TERB2: variants seen among roughly 807,000 people sequenced by gnomAD.
TERB2 encodes the protein telomere repeat binding bouquet formation protein 2.
TERB2 carries 26 observed loss-of-function variants against 29.8 expected under a neutral mutation model. The observed-to-expected ratio is 0.87, with a 90% CI of 0.64 to 1.21. TERB2 has a LOEUF of 1.21. TERB2 is among the 50% of genes most tolerant of loss of function. The pLI is 0.00. For missense variants in TERB2, 240 were observed against 268.6 expected, an observed-to-expected ratio of 0.89 and a Z score of 0.74; for synonymous variants, 80 against 90.8, an observed-to-expected ratio of 0.88 and a Z score of 0.68.
At chr15:44,972,389 G>A (rs1891985096) in intron 5 of TERB2, among the ~76,000 whole-genome samples, 1 of 151,838 alleles carries the variant, frequency 6.6e-6, no homozygotes, top group Non-Finnish European at 1.5e-5. Flanking sequence ...TAATTATTGA[G>A]GTTTTTATTT....
chr15:44,966,725 T>A (rs1176350548), intron 5 of TERB2, among the ~76,000 whole-genome samples: 3 of 152,198 alleles, frequency 2.0e-5, no homozygotes, highest in African/African-American at 7.2e-5. Context: ...CACTACATAT[T>A]AGCAGTAATT....
intron 5 of TERB2, among the ~76,000 whole-genome samples, chr15:44,966,560 T>C (rs1208831366): frequency 1.3e-5 from 2 of 152,220 alleles, no homozygotes; most frequent in South Asian, 4.1e-4. Context: ...CACACTATAC[T>C]GTCTCTGCAG....
chr15:44,976,633 A>G (rs1892051092), intron 6 of TERB2, among the ~76,000 whole-genome samples: 1 of 152,208 alleles, frequency 6.6e-6, no homozygotes, highest in Non-Finnish European at 1.5e-5. Flanking sequence ...TGGACTGTGA[A>G]TATCAGGAGG....
chr15:44,974,901 C>T (rs981075672), intron 6 of TERB2, among the ~76,000 whole-genome samples: 2 of 151,928 alleles, frequency 1.3e-5, no homozygotes, highest in African/African-American at 4.8e-5. Context: ...TTTGGACTTA[C>T]CAAACATTTA....
At chr15:44,977,116 C>CACACACACACA (rs1566947510) in intron 6 of TERB2, among the ~76,000 whole-genome samples, 3 of 151,418 alleles carry the variant, frequency 2.0e-5, no homozygotes, top group South Asian at 2.1e-4. Context: ...CACACACACA[C>CACACACACACA]CCCAGAAAAA....
At chr15:44,958,978 A>C (rs1891763044) in intron 3 of TERB2, among the ~76,000 whole-genome samples, 1 of 152,232 alleles carries the variant, frequency 6.6e-6, no homozygotes, top group Non-Finnish European at 1.5e-5. Flanking sequence ...CAGGAGTTCA[A>C]GACTAGACTG....
At chr15:44,977,117 C>CACACACACACACACACA (rs1892058751) in intron 6 of TERB2, among the ~76,000 whole-genome samples, 6 of 124,192 alleles carry the variant, frequency 4.8e-5, no homozygotes, top group African/African-American at 2.0e-4. Context: ...ACACACACAC[C>CACACACACACACACACA]CCAGAAAAAA....
Position 44,978,580 on chromosome 15 carries a change from A to C in TERB2, c.615A>C (p.Gln205His). 6.2e-7 allele frequency: 1 copy of C among 1,608,872 alleles called. No homozygotes were observed. Among genetic ancestry groups the C allele is most frequent in the Non-Finnish European group, 8.5e-7 (1 of 1,177,626 alleles). The change falls in exon 7 of 7, where the codon CAA becomes CAC. Residue 205 changes from glutamine to histidine, a missense_variant. Gln to His is a conservative substitution (Grantham distance 24). Transcript: ENST00000340827. ...CAGGATATTTGGCATATCATGTTCA[A>C]AATGAAATTAATATGTCTGCTATAA... Reference protein sequence around the residue: ...GTSGYLAYHVQNEINMSAIKN... With the variant: ...GTSGYLAYHVHNEINMSAIKN...
rs1891763316 is a variant in TERB2, at chr15:44,959,015, T to C, written c.286+503T>C. Among the ~76,000 whole-genome samples, 3 of 152,212 alleles carry C rather than the reference T, an allele frequency of 2.0e-5. No individual in the cohort carries two copies. In the South Asian group the frequency reaches 6.2e-4, roughly 31 times the overall value. On this transcript the variant is annotated intron_variant, in intron 3 of 6. Transcript: ENST00000340827. ...GCAACAGGGTAACATGGTGAGACCC[T>C]GTCTCTATTTATTTTAATAATTTCA... is the stretch of plus-strand genomic sequence containing the variant.
intron 5 of TERB2, among the ~76,000 whole-genome samples, chr15:44,971,483 C>T (rs1420182910): frequency 6.6e-6 from 1 of 152,230 alleles, no homozygotes; most frequent in East Asian, 1.9e-4. Flanking sequence ...CAGCTGGGTG[C>T]GGTGGCTCAC....
At chr15:44,973,356 T>C (rs1891998271) in intron 5 of TERB2, among the ~76,000 whole-genome samples, 2 of 152,186 alleles carry the variant, frequency 1.3e-5, no homozygotes, top group South Asian at 4.1e-4. Context: ...ATATATAGTA[T>C]TGCATTATTG....
At chr15:44,978,154 C>A (rs2141246223) in intron 6 of TERB2, among the ~76,000 whole-genome samples, 1 of 152,286 alleles carries the variant, frequency 6.6e-6, no homozygotes, top group South Asian at 2.1e-4. Context: ...TAAGTGATTA[C>A]CGTCTAAGCT....
intron 3 of TERB2, among the ~76,000 whole-genome samples, chr15:44,959,288 G>C (rs1473324074): frequency 6.6e-6 from 1 of 152,026 alleles, no homozygotes; most frequent in African/African-American, 2.4e-5. Context: ...TCTGAGATTG[G>C]TTCTTTTAAT....
In TERB2 at chr15:44,959,163, T is replaced by C. The variant is rs1891764809; in HGVS notation, c.286+651T>C. ...AATTTTTTCTTCTGATATTTAAAGATTGGTTATGATAATAAACCCATGTAT... is the reference window on the plus strand; with the variant it reads ...AATTTTTTCTTCTGATATTTAAAGACTGGTTATGATAATAAACCCATGTAT... On this transcript the variant is annotated intron_variant, in intron 3 of 6. Coordinates refer to ENST00000340827, the MANE Select transcript of TERB2 (RefSeq NM_152448.3). 2.0e-5 allele frequency among the ~76,000 whole-genome samples: 3 copies of C among 152,228 alleles called. No homozygotes were observed. In the South Asian group the frequency reaches 6.2e-4, roughly 31 times the overall value.
Position 44,956,883 on chromosome 15 carries a change from C to T in TERB2, c.65-13C>T, listed in dbSNP as rs753922012. ...GTGCTTGATAGGTTCACCCTGTGCT[C>T]TTACCTCCACAGTGGCTGAAGGGGG... On this transcript the variant is annotated splice_polypyrimidine_tract_variant and intron_variant, in intron 1 of 6. Coordinates refer to ENST00000340827, the MANE Select transcript of TERB2 (RefSeq NM_152448.3). 2 of 1,613,968 alleles carry T rather than the reference C, an allele frequency of 1.2e-6. No homozygotes were observed. Among genetic ancestry groups the T allele is most frequent in the Non-Finnish European group, 1.7e-6 (2 of 1,179,892 alleles).
At chr15:44,963,804 CTTTT>C (rs34438861) in intron 4 of TERB2, among the ~76,000 whole-genome samples, 10 of 79,162 alleles carry the variant, frequency 1.3e-4, no homozygotes, top group Admixed American at 1.6e-4. Context: ...TTATACTATT[CTTTT>C]TTTTTTTTTT....
In TERB2 at chr15:44,966,166, A is replaced by C; in HGVS notation, c.357A>C (p.Glu119Asp). 6.5e-7 allele frequency: 1 copy of C among 1,540,922 alleles called. No individual in the cohort carries two copies. The highest frequency in any genetic ancestry group is 8.7e-7 in the Non-Finnish European group (1 of 1,148,638). The change falls in exon 5 of 7, where the codon GAA becomes GAC. Residue 119 changes from glutamate to aspartate, a missense_variant. Transcript: ENST00000340827. ...TACTTTTCTATCCACAGCATGATGA[A>C]GTAACACCAAATGAAATAAAGACCC... is the stretch of plus-strand genomic sequence containing the variant. ...DQHFLIEKHD[E>D]VTPNEIKTLR... is the part of the protein sequence containing the mutation.
chr15:44,966,028 T>C (rs1891883389), intron 4 of TERB2, 130 bp from the exon 5 acceptor site: 4 of 483,144 alleles, frequency 8.3e-6, no homozygotes, highest in Admixed American at 4.5e-5. Context: ...TTGAGTGGAC[T>C]TAAATGTGTA....
chr15:44,958,501 G>A lies in TERB2; in HGVS notation c.275G>A (p.Cys92Tyr), dbSNP rs763030738. The A allele has an allele frequency of 6.2e-7, 1 of 1,611,174 alleles. No homozygotes were observed. The highest frequency in any genetic ancestry group is 8.5e-7 in the Non-Finnish European group (1 of 1,178,418). Residue 92 changes from cysteine (C) to tyrosine (Y), a missense_variant, in exon 3 of 7, where the codon TGC (cysteine) becomes TAC (tyrosine). Physicochemically the swap from Cys to Tyr is radical, Grantham distance 194. Transcript: ENST00000340827. ...ALGHFILPPACLQKEIRRKIG... is the reference protein window; with the variant it reads ...ALGHFILPPAYLQKEIRRKIG... ...GGTCATTTCATTCTTCCTCCTGCGT[G>A]CCTGCAAAAAGGTTAGCAAAGATCA...
Sources: gnomAD v4.1 joint callset for allele counts (sites outside exome capture counted in the v4.1 genomes callset) on GRCh38, gnomAD v4.1.1 for gene constraint, MANE v1.5 for transcripts, NCBI Gene and HGNC (gene_info 2026-07-23, HGNC 2026-07-21) for gene names.